The following DCT variants were observed in gnomAD, a reference collection of about 807,000 sequenced individuals.
DCT encodes the protein L-dopachrome tautomerase.
DCT carries 47 observed loss-of-function variants against 53.0 expected under a neutral mutation model. The ratio of observed to expected loss-of-function variants is 0.89; its 90% CI spans 0.70 to 1.13. The LOEUF is 1.13. Ranked by LOEUF, DCT falls within the 50% of genes most tolerant of loss-of-function variation. The probability of loss-of-function intolerance (pLI) is 0.00; values close to 1 mark genes in which losing one functional copy is unlikely to be tolerated. For synonymous variants in DCT, 244 were observed against 237.0 expected, an observed-to-expected ratio of 1.03 and a Z score of -0.27; for missense variants, 669 against 637.4, an observed-to-expected ratio of 1.05 and a Z score of -0.53.
the DCT span, among the ~76,000 whole-genome samples, chr13:94,494,268 C>A: frequency 6.6e-6 from 1 of 152,088 alleles, no homozygotes; most frequent in Non-Finnish European, 1.5e-5. Flanking sequence ...TAGCCAGAGC[C>A]CAGGAAACAG....
the DCT span, among the ~76,000 whole-genome samples, chr13:94,525,424 T>C: frequency 6.6e-6 from 1 of 152,168 alleles, no homozygotes; most frequent in Non-Finnish European, 1.5e-5. Context: ...TTCTGATGTT[T>C]AGGCCACTCG....
the DCT span, among the ~76,000 whole-genome samples, chr13:94,528,398 G>A: frequency 1.3e-5 from 2 of 152,242 alleles, no homozygotes; most frequent in East Asian, 1.9e-4. Flanking sequence ...AAGAAAGGTC[G>A]GGTTACCCAC....
chr13:94,472,541 TATATATATATATATATATATATA>T (rs1884747282), intron 1 of DCT, among the ~76,000 whole-genome samples: 1 of 27,968 alleles, frequency 3.6e-5, no homozygotes, highest in Non-Finnish European at 6.3e-5. Flanking sequence ...TATATATATA[TATATATATATATATATATATATA>T]TATATTTTTT....
intron 2 of DCT, chr13:94,467,368 T>C (rs1440719615): frequency 6.6e-6 from 1 of 152,222 alleles, no homozygotes; most frequent in Non-Finnish European, 1.5e-5. Flanking sequence ...ATGTGGAAAC[T>C]TTAGCTAACT....
At chr13:94,541,515 G>GA in the DCT span, among the ~76,000 whole-genome samples, 8 of 138,212 alleles carry the variant, frequency 5.8e-5, no homozygotes, top group South Asian at 2.3e-4. Flanking sequence ...AAAAAAAAAA[G>GA]AAAAAAAAAA....
At chr13:94,547,962 C>CAAAAAAAAAAA in the DCT span, among the ~76,000 whole-genome samples, 3 of 67,904 alleles carry the variant, frequency 4.4e-5, no homozygotes, top group African/African-American at 1.3e-4. Context: ...AACTCCGTCT[C>CAAAAAAAAAAA]AAAAAAAAAA....
chr13:94,465,703 C>A lies in DCT; in HGVS notation c.793G>T (p.Ala265Ser). 1 of 1,613,516 alleles carries A rather than the reference C, an allele frequency of 6.2e-7. No individual in the cohort carries two copies. The highest frequency in any genetic ancestry group is 8.5e-7 in the Non-Finnish European group (1 of 1,179,918). The change falls in exon 4 of 8, where the codon GCG becomes TCG. Residue 265 changes from alanine to serine, a missense_variant. Transcript: ENST00000377028. The part of the protein sequence containing the change: ...DVCTDQLFGA[A>S]RPDDPTLISR... The stretch of plus-strand genomic sequence containing the variant: ...ATCAGAGTCGGATCGTCTGGTCTCG[C>A]TGCCCCAAACAGCTGGTCTGTACAC...
At chr13:94,532,385 T>C in the DCT span, among the ~76,000 whole-genome samples, 473 of 152,192 alleles carry the variant, frequency 3.1e-3, 2 homozygotes, top group African/African-American at 0.011. Context: ...TGGAACCAAC[T>C]CACATGTCCA....
the DCT span, among the ~76,000 whole-genome samples, chr13:94,532,231 T>A: frequency 1.3e-5 from 2 of 152,202 alleles, no homozygotes; most frequent in East Asian, 1.9e-4. Context: ...AGTGTGGCGA[T>A]TCCTCAAGGA....
intron 1 of DCT, among the ~76,000 whole-genome samples, chr13:94,476,119 G>A (rs992072677): frequency 2.0e-5 from 3 of 151,176 alleles, no homozygotes; most frequent in Non-Finnish European, 4.4e-5. Flanking sequence ...TTACAGCCTG[G>A]ACTTAAAGAA....
In DCT at chr13:94,462,149, T is replaced by C. The variant is rs1187955642; in HGVS notation, c.904A>G (p.Thr302Ala). 3.7e-6 allele frequency: 6 copies of C among 1,613,416 alleles called. No individual in the cohort carries two copies. Among genetic ancestry groups the C allele is most frequent in the Non-Finnish European group, 5.1e-6 (6 of 1,179,748 alleles). ...TTTCTTCTCAGCAAACCTTCATAGG[T>C]TCCATTGCACAAGGTGACCAGGTGG... Reference protein sequence around the residue: ...YNHLVTLCNGTYEGLLRRNQM... With the variant: ...YNHLVTLCNGAYEGLLRRNQM... The change falls in exon 5 of 8, where the codon ACC becomes GCC. Residue 302 changes from threonine (T) to alanine (A), a missense_variant. Thr to Ala is a moderately conservative substitution (Grantham distance 58, BLOSUM62 0). Transcript: ENST00000377028.
At chr13:94,501,125 T>C in the DCT span, among the ~76,000 whole-genome samples, 6 of 151,930 alleles carry the variant, frequency 3.9e-5, no homozygotes, top group South Asian at 4.2e-4. Flanking sequence ...AAAAATTAGC[T>C]GGGCGTGGTG....
At position 94,444,762 on chromosome 13, in the gene DCT, T is replaced by C. The variant is rs73555831; in HGVS notation, c.1180-1125A>G. 3.5e-3 allele frequency among the ~76,000 whole-genome samples: 538 copies of C among 152,350 alleles called. 1 individual carries two copies. The highest frequency in any genetic ancestry group is 0.013 in the African/African-American group (526 of 41,592). On this transcript the variant is annotated intron_variant, in intron 6 of 7. Coordinates refer to ENST00000377028, the MANE Select transcript of DCT (RefSeq NM_001922.5). ...AGGTACTTATTTCAGTAAATACTTA[T>C]TCAGTGTATTCATTCCTCCATTCAC...
the DCT span, among the ~76,000 whole-genome samples, chr13:94,532,643 A>G: frequency 3.1e-3 from 479 of 152,256 alleles, 2 homozygotes; most frequent in African/African-American, 0.011. Flanking sequence ...TCAGGGAGTC[A>G]GGGGCTAGGG....
At chr13:94,457,920 C>T (rs1415373741) in intron 6 of DCT, among the ~76,000 whole-genome samples, 5 of 152,268 alleles carry the variant, frequency 3.3e-5, no homozygotes, top group South Asian at 4.1e-4. Flanking sequence ...GCGCTATCAA[C>T]GAGGACTTGA....
chr13:94,506,479 G>A, the DCT span, among the ~76,000 whole-genome samples: 1 of 152,120 alleles, frequency 6.6e-6, no homozygotes, highest in East Asian at 1.9e-4. Context: ...AATAATGATT[G>A]TAATAGATTA....
At chr13:94,513,214 A>C in the DCT span, among the ~76,000 whole-genome samples, 1 of 152,190 alleles carries the variant, frequency 6.6e-6, no homozygotes, top group Non-Finnish European at 1.5e-5. Context: ...CAGAGATAAA[A>C]ATAAGGAAGT....
At chr13:94,500,003 T>C in the DCT span, among the ~76,000 whole-genome samples, 11 of 152,190 alleles carry the variant, frequency 7.2e-5, no homozygotes, top group Non-Finnish European at 1.5e-4. Context: ...ATAGTTACCT[T>C]TTTTGTGTGT....
chr13:94,452,895 G>A (rs1334133776), intron 6 of DCT, among the ~76,000 whole-genome samples: 3 of 152,078 alleles, frequency 2.0e-5, no homozygotes, highest in Non-Finnish European at 4.4e-5. Flanking sequence ...ATATTTGTTT[G>A]TGTATTTATA....
Sources: gnomAD v4.1 joint callset for allele counts (sites outside exome capture counted in the v4.1 genomes callset) on GRCh38, gnomAD v4.1.1 for gene constraint, MANE v1.5 for transcripts, NCBI Gene and HGNC (gene_info 2026-07-23, HGNC 2026-07-21) for gene names.